Variants in CCDC88C observed in about 807,000 individuals in gnomAD.
The protein encoded by CCDC88C is protein Daple.
CCDC88C carries 131 observed loss-of-function variants against 198.8 expected under a neutral mutation model. The observed-to-expected ratio is 0.66, with a 90% confidence interval of 0.57 to 0.76. The LOEUF is 0.76. Among genes scored for constraint, CCDC88C ranks in the 30% least tolerant of loss-of-function variants. The pLI, the probability that CCDC88C is intolerant of heterozygous loss-of-function variation, is 0.00. For synonymous variants in CCDC88C, 1,166 were observed against 1,114.7 expected (o/e 1.05, Z -0.92); for missense variants, 2,553 against 2,631.6 (o/e 0.97, Z 0.65).
rs992255158 is a variant in CCDC88C at position 91,371,916 on chromosome 14, C to G, written c.271-12205G>C. 2.0e-5 allele frequency among the ~76,000 whole-genome samples: 3 copies of G among 152,162 alleles called. No homozygotes were observed. Among genetic ancestry groups the G allele is most frequent in the Non-Finnish European group, 4.4e-5 (3 of 68,018 alleles). ...AGGAGCCTCCAGCGGTAGATGGCAG[C>G]CCAGACCACCCCAGCCTGCTGGGAC... On this transcript the variant is annotated intron_variant, in intron 3 of 29. Transcript: ENST00000389857. The surrounding 1 kb of genome is among the most constrained non-coding windows in gnomAD (Gnocchi z 4.2).
chr14:91,272,337 T>G lies in CCDC88C; in HGVS notation c.*288A>C. 1 of 434,836 alleles carries G rather than the reference T, an allele frequency of 2.3e-6. No individual in the cohort carries two copies. The highest frequency in any genetic ancestry group is 4.1e-6 in the Non-Finnish European group (1 of 241,512). The allele number at this position is 434,836 out of a possible 1,614,324, so 26.9% of individuals were successfully genotyped here. The stretch of plus-strand genomic sequence containing the variant: ...TAGTGTCTGCTTTGGGGGAAGTCAG[T>G]TTGTCATTGCATCCTAATTGGTCCC... On this transcript the variant is annotated 3_prime_UTR_variant, in exon 30 of 30. Coordinates refer to ENST00000389857, the MANE Select transcript of CCDC88C (RefSeq NM_001080414.4).
At chr14:91,369,129 C>A (rs774881520) in intron 3 of CCDC88C, among the ~76,000 whole-genome samples, 18 of 152,218 alleles carry the variant, frequency 1.2e-4, no homozygotes, top group Non-Finnish European at 2.6e-4. Flanking sequence ...CCCTCATAGA[C>A]ACCATCTTCA....
At chr14:91,386,354 G>A (rs56345204) in intron 3 of CCDC88C, among the ~76,000 whole-genome samples, 22,139 of 149,972 alleles carry the variant, frequency 0.15, 1,905 homozygotes, top group Admixed American at 0.2. Context: ...CCAGCTACTC[G>A]CGAGGCTGAG....
At chr14:91,334,928 C>T (rs1399659189) in intron 10 of CCDC88C, among the ~76,000 whole-genome samples, 1 of 152,184 alleles carries the variant, frequency 6.6e-6, no homozygotes, top group Non-Finnish European at 1.5e-5. Flanking sequence ...CACCTGAGTG[C>T]TCAGGTGGGA....
chr14:91,408,402 T>G, intron 3 of CCDC88C: 1 of 379,374 alleles, frequency 2.6e-6, no homozygotes, highest in Non-Finnish European at 4.9e-6. Context: ...AAACTGAGGC[T>G]CCTCTCTGGG....
Position 91,338,179 on chromosome 14 carries a change from A to C in CCDC88C, c.892-16T>G, listed in dbSNP as rs747146529. The C allele has an allele frequency of 6.2e-7, 1 of 1,612,534 alleles. No individual in the cohort carries two copies. Among genetic ancestry groups the C allele is most frequent in the Non-Finnish European group, 8.5e-7 (1 of 1,178,952 alleles). Reference sequence around the variant, plus strand: ...GCTGGATGTTCTGCAAGGTGGACAAAGGCAGGAGAACCTAGCTTAGGGCAT... The same window carrying C: ...GCTGGATGTTCTGCAAGGTGGACAACGGCAGGAGAACCTAGCTTAGGGCAT... On this transcript the variant is annotated splice_polypyrimidine_tract_variant and intron_variant, in intron 9 of 29. Coordinates refer to ENST00000389857, the MANE Select transcript of CCDC88C (RefSeq NM_001080414.4). The surrounding 1 kb of genome is among the most constrained non-coding windows in gnomAD (Gnocchi z 4.8).
chr14:91,356,495 G>A (rs1169756036), intron 4 of CCDC88C, among the ~76,000 whole-genome samples: 2 of 152,242 alleles, frequency 1.3e-5, no homozygotes, highest in East Asian at 1.9e-4. Flanking sequence ...GCTGATCCAT[G>A]TGGGCTGATT....
chr14:91,389,752 CGAAA>C (rs1374040341), intron 3 of CCDC88C, among the ~76,000 whole-genome samples: 8 of 145,200 alleles, frequency 5.5e-5, no homozygotes, highest in African/African-American at 2.1e-4. Context: ...AGAAAAAGAA[CGAAA>C]GAAAGAAAAA....
intron 21 of CCDC88C, among the ~76,000 whole-genome samples, chr14:91,299,185 C>T (rs1028644485): frequency 3.9e-5 from 6 of 152,210 alleles, no homozygotes; most frequent in African/African-American, 1.2e-4. Flanking sequence ...ATACCTTATG[C>T]AGCAATTCAC....
chr14:91,365,391 A>G (rs2139915591), intron 3 of CCDC88C, among the ~76,000 whole-genome samples: 1 of 152,300 alleles, frequency 6.6e-6, no homozygotes, highest in East Asian at 1.9e-4. Context: ...GTGGCCCCTC[A>G]CGCCCCACAT....
chr14:91,307,063 T>C lies in CCDC88C; in HGVS notation c.3170A>G (p.Asp1057Gly), dbSNP rs548699524. 74 of 1,613,414 alleles carry C rather than the reference T, an allele frequency of 4.6e-5. No homozygotes were observed. The Middle Eastern group carries it at 2.0e-3, about 43-fold the overall frequency. Residue 1057 changes from aspartate to glycine, a missense_variant, in exon 18 of 30, where the codon GAC (aspartate) becomes GGC (glycine). By Grantham distance (94) the Asp-to-Gly change is moderately conservative (BLOSUM62 -1). Transcript: ENST00000389857. ...EATMELLRVK[D>G]RAIELERNNA... ...ATTCCGCTCCAGCTCGATGGCCCGGTCCTTCACTCGGAGAAGCTCCATGGT... is the reference window on the plus strand; with the variant it reads ...ATTCCGCTCCAGCTCGATGGCCCGGCCCTTCACTCGGAGAAGCTCCATGGT...
In CCDC88C at chr14:91,272,005, A is replaced by G. The variant is rs763116901; in HGVS notation, c.*620T>C. ...GCTGGAGGCTGGGGGCAAATGGCCAAGGCCACCGCCAGCTGCCCTGCAGGC... is the reference window on the plus strand; with the variant it reads ...GCTGGAGGCTGGGGGCAAATGGCCAGGGCCACCGCCAGCTGCCCTGCAGGC... On this transcript the variant is annotated 3_prime_UTR_variant, in exon 30 of 30. Coordinates refer to ENST00000389857, the MANE Select transcript of CCDC88C (RefSeq NM_001080414.4). 8 of 152,792 alleles carry G rather than the reference A, an allele frequency of 5.2e-5. No homozygotes were observed. The highest frequency in any genetic ancestry group is 5.2e-4 in the Admixed American group (8 of 15,294). 9.5% of individuals were successfully genotyped at this position (152,792 alleles called of 1,614,324 possible). A position where few individuals can be genotyped will look rare whatever the true frequency, so the allele number is the denominator to read the frequency against.
At position 91,321,249 on chromosome 14, in the gene CCDC88C, C is replaced by T; in HGVS notation, c.1398G>A (p.Leu466=). 6.3e-7 allele frequency: 1 copy of T among 1,591,894 alleles called. No individual in the cohort carries two copies. Among genetic ancestry groups the T allele is most frequent in the East Asian group, 2.3e-5 (1 of 43,698 alleles). The change falls in exon 13 of 30, where the codon CTG becomes CTA. Residue 466 remains leucine (L), a synonymous_variant. Transcript: ENST00000389857. ...GGCTCTGATTCTCCTTCTCCAGCTTCAGGATGCGGCTGGACGCACATTCGT... is the reference window on the plus strand; with the variant it reads ...GGCTCTGATTCTCCTTCTCCAGCTTTAGGATGCGGCTGGACGCACATTCGT... The part of the protein sequence containing the change: ...ELNECASSRI[L]KLEKENQSLQ...
intron 3 of CCDC88C, among the ~76,000 whole-genome samples, chr14:91,407,504 T>C (rs1028762695): frequency 6.6e-5 from 10 of 152,158 alleles, no homozygotes; most frequent in East Asian, 1.9e-4. Context: ...TGGGAGGCAG[T>C]TGTTCTTGAG....
Position 91,272,999 on chromosome 14 carries a change from CT to C in CCDC88C, c.5712del (p.Ala1905ProfsTer160). 5 of 1,552,242 alleles carry C rather than the reference CT, an allele frequency of 3.2e-6. No individual in the cohort carries two copies. Among genetic ancestry groups the C allele is most frequent in the Non-Finnish European group, 4.3e-6 (5 of 1,154,098 alleles). On this transcript the variant is annotated frameshift_variant, in exon 30 of 30. Transcript: ENST00000389857. LOFTEE classifies it low-confidence loss of function (END_TRUNC). ...GCACCTGCAGTGGCAATGGCGGGGG[CT>C]GTGGCAGACTGATGCAGGGGGGCCA... is the stretch of plus-strand genomic sequence containing the variant. ...ERLAPLHQSA[T>X]APAIATAGAG...
intron 3 of CCDC88C, chr14:91,408,315 T>C (rs755260): frequency 0.57 from 137,100 of 240,064 alleles, 39,830 homozygotes; most frequent in Admixed American, 0.67. Flanking sequence ...GGGCTGCGGA[T>C]AACCACCTCA....
chr14:91,327,316 G>A (rs1216513488), intron 10 of CCDC88C, among the ~76,000 whole-genome samples: 2 of 152,152 alleles, frequency 1.3e-5, no homozygotes, highest in Non-Finnish European at 2.9e-5. Flanking sequence ...TCCGGCCAGC[G>A]GACACAGCTT....
rs918604226 is a variant in CCDC88C at position 91,347,632 on chromosome 14, A to G, written c.341-3975T>C. On this transcript the variant is annotated intron_variant, in intron 4 of 29. Coordinates refer to ENST00000389857, the MANE Select transcript of CCDC88C (RefSeq NM_001080414.4). ...AGAAATGCAAATCAAAACCACAATGAGATACCATCTCACACCAGTTAGAAT... is the reference window on the plus strand; with the variant it reads ...AGAAATGCAAATCAAAACCACAATGGGATACCATCTCACACCAGTTAGAAT... Among the ~76,000 whole-genome samples the G allele has an allele frequency of 9.9e-5, 15 of 152,184 alleles. 1 individual carries two copies. Among genetic ancestry groups the G allele is most frequent in the African/African-American group, 3.4e-4 (14 of 41,428 alleles).
In CCDC88C at chr14:91,274,639, T is replaced by C. The variant is rs112736019; in HGVS notation, c.5059-986A>G. Reference sequence around the variant, plus strand: ...CACTGGACAGAGATACATCTGCTGTTTTATGCTAGTTTGACGCTACACATC... The same window carrying C: ...CACTGGACAGAGATACATCTGCTGTCTTATGCTAGTTTGACGCTACACATC... On this transcript the variant is annotated intron_variant, in intron 29 of 29. Transcript: ENST00000389857. Among the ~76,000 whole-genome samples the C allele has an allele frequency of 2.3e-3, 356 of 152,338 alleles. 2 individuals carry two copies. The highest frequency in any genetic ancestry group is 8.3e-3 in the African/African-American group (346 of 41,566).
Sources: allele counts gnomAD v4.1 joint callset (sites outside exome capture counted in the v4.1 genomes callset), GRCh38; gene constraint gnomAD v4.1.1; non-coding constraint Gnocchi (gnomAD v3.1); transcripts MANE v1.5; gene names NCBI Gene and HGNC (gene_info 2026-07-23, HGNC 2026-07-21).